Variants in RPGRIP1L observed in about 807,000 individuals in gnomAD.
The protein encoded by RPGRIP1L is RPGRIP1 like.
Under a neutral mutation model 160.4 loss-of-function variants are expected in RPGRIP1L, and 131 were observed. That is an observed-to-expected ratio of 0.82 (90% CI 0.71 to 0.94). The LOEUF is 0.94. RPGRIP1L is among the 40% of genes least tolerant of loss of function. The pLI is 0.00. For missense variants in RPGRIP1L, 1,522 were observed against 1,535.8 expected, an observed-to-expected ratio of 0.99 and a Z score of 0.15; for synonymous variants, 510 against 515.8, an observed-to-expected ratio of 0.99 and a Z score of 0.15.
chr16:53,696,390 A>AT (rs1387074030), intron 2 of RPGRIP1L, 95 bp from the exon 3 acceptor site: 15 of 1,326,322 alleles, frequency 1.1e-5, no homozygotes, highest in Admixed American at 1.7e-5. Flanking sequence ...CTCATCTGAG[A>AT]TTTTTTCCTT....
chr16:53,683,183 T>G (rs1969731637), intron 6 of RPGRIP1L, among the ~76,000 whole-genome samples: 1 of 152,170 alleles, frequency 6.6e-6, no homozygotes, highest in South Asian at 2.1e-4. Context: ...ACTCTGAATC[T>G]GAAATGAAAA....
intron 15 of RPGRIP1L, among the ~76,000 whole-genome samples, chr16:53,651,410 T>C (rs746588656): frequency 1.3e-4 from 20 of 152,216 alleles, no homozygotes; most frequent in Non-Finnish European, 2.2e-4. Flanking sequence ...CAGACTATTC[T>C]TTCCACAGCA....
intron 22 of RPGRIP1L, among the ~76,000 whole-genome samples, chr16:53,634,097 C>T (rs1477813644): frequency 1.3e-5 from 2 of 152,162 alleles, no homozygotes; most frequent in African/African-American, 2.4e-5. Flanking sequence ...GGGCTGCTCT[C>T]TGTTTCCAAG....
In RPGRIP1L at chr16:53,651,501, C is replaced by T. The variant is rs149177006; in HGVS notation, c.2152+1034G>A. Among the ~76,000 whole-genome samples the T allele has an allele frequency of 9.2e-5, 14 of 152,264 alleles. No homozygotes were observed. In the East Asian group the frequency reaches 1.4e-3, roughly 15 times the overall value. On this transcript the variant is annotated intron_variant, in intron 15 of 26. Coordinates refer to ENST00000647211, the MANE Select transcript of RPGRIP1L (RefSeq NM_015272.5). Reference sequence around the variant, plus strand: ...AAGGCTCTGCAATATGATCTGGCCCCGCCTATCACTTGAATCCCCCCTTTG... The same window carrying T: ...AAGGCTCTGCAATATGATCTGGCCCTGCCTATCACTTGAATCCCCCCTTTG...
intron 10 of RPGRIP1L, among the ~76,000 whole-genome samples, chr16:53,661,896 C>A (rs1967827177): frequency 6.6e-6 from 1 of 152,074 alleles, no homozygotes; most frequent in Non-Finnish European, 1.5e-5. Context: ...TTACCTTCTA[C>A]TGAATTTTAT....
At chr16:53,688,549 A>C (rs1970173487) in intron 4 of RPGRIP1L, among the ~76,000 whole-genome samples, 6 of 152,078 alleles carry the variant, frequency 3.9e-5, no homozygotes, top group Admixed American at 3.9e-4. Context: ...AAATCTGTAG[A>C]ATTTTACAAA....
chr16:53,607,023 G>A (rs769229139), intron 25 of RPGRIP1L, among the ~76,000 whole-genome samples: 7 of 152,298 alleles, frequency 4.6e-5, no homozygotes, highest in Middle Eastern at 6.8e-3. Flanking sequence ...AAGGTGGTAC[G>A]AAGGAATTTT....
At chr16:53,669,574 T>C (rs1465464031) in intron 9 of RPGRIP1L, among the ~76,000 whole-genome samples, 1 of 152,138 alleles carries the variant, frequency 6.6e-6, no homozygotes, top group Non-Finnish European at 1.5e-5. Context: ...AAATTTCGTT[T>C]ATACATTATT....
intron 1 of RPGRIP1L, among the ~76,000 whole-genome samples, chr16:53,701,315 G>A (rs907673926): frequency 1.3e-5 from 2 of 151,896 alleles, no homozygotes; most frequent in African/African-American, 2.4e-5. Context: ...AAGAGGTTTC[G>A]TTGCATAAAT....
chr16:53,681,499 T>C (rs1459690063), intron 6 of RPGRIP1L, among the ~76,000 whole-genome samples: 1 of 152,208 alleles, frequency 6.6e-6, no homozygotes, highest in Admixed American at 6.5e-5. Flanking sequence ...AAATTTAATA[T>C]GGATTTTTCT....
chr16:53,700,658 A>C lies in RPGRIP1L; in HGVS notation c.66T>G (p.Phe22Leu), dbSNP rs760486367. ...CCATACCTTGTAACCCTCCCATTCC[A>C]AAGAGGTTTAGACCTGTATCTTTCA... ...LPVKDTGLNL[F>L]GMGGLQETST... Residue 22 changes from phenylalanine (F) to leucine (L), a missense_variant, in exon 2 of 27, where the codon TTT (phenylalanine) becomes TTG (leucine). Physicochemically the swap from Phe to Leu is conservative, Grantham distance 22. Transcript: ENST00000647211. The C allele has an allele frequency of 6.2e-7, 1 of 1,613,044 alleles. No individual in the cohort carries two copies. Among genetic ancestry groups the C allele is most frequent in the Non-Finnish European group, 8.5e-7 (1 of 1,179,338 alleles).
intron 4 of RPGRIP1L, among the ~76,000 whole-genome samples, chr16:53,689,087 A>G (rs949465236): frequency 1.3e-5 from 2 of 149,300 alleles, no homozygotes; most frequent in Admixed American, 6.7e-5. Context: ...TGTTATATAT[A>G]TGTTATATAT....
chr16:53,615,625 C>T (rs991286046), intron 24 of RPGRIP1L, among the ~76,000 whole-genome samples: 2 of 151,832 alleles, frequency 1.3e-5, no homozygotes, highest in African/African-American at 2.4e-5. Flanking sequence ...AGGCGCCTGC[C>T]ACCATGCCCA....
At chr16:53,613,120 T>C (rs1964157751) in intron 24 of RPGRIP1L, among the ~76,000 whole-genome samples, 1 of 152,242 alleles carries the variant, frequency 6.6e-6, no homozygotes, top group African/African-American at 2.4e-5. Flanking sequence ...TATTTCATCA[T>C]ATGTATATAC....
chr16:53,599,454 C>T lies in RPGRIP1L; in HGVS notation c.*2622G>A, dbSNP rs1286612050. 4 of 152,164 alleles carry T rather than the reference C, an allele frequency of 2.6e-5. No homozygotes were observed. Among genetic ancestry groups the T allele is most frequent in the Non-Finnish European group, 5.9e-5 (4 of 68,032 alleles). The allele number at this position is 152,164 out of a possible 1,614,324, so 9.4% of individuals were successfully genotyped here. The stretch of plus-strand genomic sequence containing the variant: ...GGCTGGGAATTTGACATTTCTACTA[C>T]AGTAGGCAAAAATACATGTAAAATA... On this transcript the variant is annotated 3_prime_UTR_variant, in exon 27 of 27. Coordinates refer to ENST00000647211, the MANE Select transcript of RPGRIP1L (RefSeq NM_015272.5).
At chr16:53,696,365 A>T (rs1317034263) in intron 2 of RPGRIP1L, 70 bp from the exon 3 acceptor site, 2 of 1,476,202 alleles carry the variant, frequency 1.4e-6, no homozygotes, top group Non-Finnish European at 9.5e-7. Flanking sequence ...TGATATTAAT[A>T]TAATCTCTGA....
At chr16:53,697,054 C>T (rs1357500187) in intron 2 of RPGRIP1L, among the ~76,000 whole-genome samples, 1 of 152,034 alleles carries the variant, frequency 6.6e-6, no homozygotes, top group Non-Finnish European at 1.5e-5. Context: ...CTTAGCTGGG[C>T]ATGGTGGCGG....
At chr16:53,628,575 GTTTAT>G (rs533024691) in intron 22 of RPGRIP1L, 136 of 152,182 alleles carry the variant, frequency 8.9e-4, no homozygotes, top group African/African-American at 3.1e-3. Context: ...CTGTTTAACT[GTTTAT>G]TTTAACAACT....
Position 53,652,807 on chromosome 16 carries a change from T to G in RPGRIP1L, c.1880A>C (p.Lys627Thr), listed in dbSNP as rs377035693. ...ATAGGTACAGAAAGTGACAGGCTCT[T>G]TATCTCCAGATGCCTGTAAAACTTC... ...SSEVLQASGD[K>T]EPVTFCTYAF... The change falls in exon 15 of 27, where the codon AAA (lysine) becomes ACA (threonine). Residue 627 changes from lysine (K) to threonine (T), a missense_variant. Transcript: ENST00000647211. 25 of 1,614,010 alleles carry G rather than the reference T, an allele frequency of 1.5e-5. 1 individual carries two copies. The highest frequency in any genetic ancestry group is 4.5e-5 in the East Asian group (2 of 44,880).
Sources: gnomAD v4.1 joint callset for allele counts (sites outside exome capture counted in the v4.1 genomes callset) on GRCh38, gnomAD v4.1.1 for gene constraint, MANE v1.5 for transcripts, NCBI Gene and HGNC (gene_info 2026-07-23, HGNC 2026-07-21) for gene names.